SRD5A2: variants seen among roughly 807,000 people sequenced by gnomAD.
SRD5A2 encodes the protein steroid 5 alpha-reductase 2.
In SRD5A2, 30 loss-of-function variants were observed where a neutral mutation model predicts 27.4. The observed-to-expected ratio is 1.10, with a 90% CI of 0.82 to 1.49. The LOEUF (loss-of-function observed/expected upper bound fraction) is 1.49. SRD5A2 is among the 40% of genes most tolerant of loss of function. The pLI is 0.00. For missense variants in SRD5A2, 348 were observed against 323.4 expected, an observed-to-expected ratio of 1.08 and a Z score of -0.58; for synonymous variants, 141 against 133.6, an observed-to-expected ratio of 1.06 and a Z score of -0.38.
At chr2:31,562,755 G>C (rs948045368) in intron 1 of SRD5A2, among the ~76,000 whole-genome samples, 5 of 152,220 alleles carry the variant, frequency 3.3e-5, no homozygotes, top group African/African-American at 1.2e-4. Context: ...GGGATCATTA[G>C]AAGCTCAAAC....
At chr2:31,626,680 C>T in the SRD5A2 span, among the ~76,000 whole-genome samples, 2 of 152,110 alleles carry the variant, frequency 1.3e-5, no homozygotes, top group African/African-American at 2.4e-5. Flanking sequence ...GTATGTTGAA[C>T]CAGCCTTGCA....
chr2:31,649,344 C>T, the SRD5A2 span, among the ~76,000 whole-genome samples: 1 of 152,174 alleles, frequency 6.6e-6, no homozygotes, highest in African/African-American at 2.4e-5. Flanking sequence ...CATCCACTGG[C>T]TCCTGACACA....
intron 1 of SRD5A2, among the ~76,000 whole-genome samples, chr2:31,544,701 A>T (rs1457441544): frequency 6.6e-6 from 1 of 151,920 alleles, no homozygotes; most frequent in Non-Finnish European, 1.5e-5. Context: ...AATTAAGATT[A>T]GAACAAAGAT....
the SRD5A2 span, among the ~76,000 whole-genome samples, chr2:31,609,995 C>A: frequency 6.6e-6 from 1 of 151,936 alleles, no homozygotes. Flanking sequence ...CTAAACGGAC[C>A]AATAACAAAT....
the SRD5A2 span, among the ~76,000 whole-genome samples, chr2:31,625,928 T>A: frequency 6.6e-6 from 1 of 152,198 alleles, no homozygotes; most frequent in Non-Finnish European, 1.5e-5. Context: ...GGGGATGGCA[T>A]TGAATCTATA....
chr2:31,622,237 T>C, the SRD5A2 span, among the ~76,000 whole-genome samples: 2 of 152,172 alleles, frequency 1.3e-5, no homozygotes, highest in Non-Finnish European at 2.9e-5. Context: ...ATTCTGCTTC[T>C]GTGTTAGTTT....
intron 1 of SRD5A2, among the ~76,000 whole-genome samples, chr2:31,543,311 G>A (rs1314189623): frequency 6.6e-6 from 1 of 152,062 alleles, no homozygotes. Flanking sequence ...GAGTCCTGCA[G>A]GTTAAAATGA....
At chr2:31,562,593 A>T (rs1284958676) in intron 1 of SRD5A2, among the ~76,000 whole-genome samples, 1 of 152,186 alleles carries the variant, frequency 6.6e-6, no homozygotes, top group East Asian at 1.9e-4. Context: ...CATAAATTTG[A>T]GAACTTTTAA....
At chr2:31,621,710 T>A in the SRD5A2 span, among the ~76,000 whole-genome samples, 1 of 152,086 alleles carries the variant, frequency 6.6e-6, no homozygotes, top group African/African-American at 2.4e-5. Context: ...TAGCTCACTG[T>A]AACCTTGAAT....
the SRD5A2 span, among the ~76,000 whole-genome samples, chr2:31,642,303 C>T: frequency 6.6e-6 from 1 of 151,976 alleles, no homozygotes; most frequent in African/African-American, 2.4e-5. Context: ...AAGAAGAAAA[C>T]ATAGGAGACA....
intron 1 of SRD5A2, among the ~76,000 whole-genome samples, chr2:31,564,014 T>C (rs568794919): frequency 6.6e-6 from 1 of 152,010 alleles, no homozygotes; most frequent in East Asian, 1.9e-4. Flanking sequence ...CAACACCCAA[T>C]GAGGTACAAT....
the SRD5A2 span, among the ~76,000 whole-genome samples, chr2:31,645,897 A>C: frequency 6.6e-6 from 1 of 152,056 alleles, no homozygotes; most frequent in Admixed American, 6.6e-5. Flanking sequence ...ACCTGACTAC[A>C]CACACACAGG....
At chr2:31,556,767 G>A (rs527782590) in intron 1 of SRD5A2, among the ~76,000 whole-genome samples, 1 of 152,196 alleles carries the variant, frequency 6.6e-6, no homozygotes, top group East Asian at 1.9e-4. Flanking sequence ...GCCACTTTGT[G>A]GTAATTTATT....
At chr2:31,590,315 AATG>A in the SRD5A2 span, among the ~76,000 whole-genome samples, 3 of 152,184 alleles carry the variant, frequency 2.0e-5, no homozygotes, top group Non-Finnish European at 4.4e-5. Context: ...ATGAGCATGG[AATG>A]TTCTTCCATT....
At chr2:31,616,361 G>A in the SRD5A2 span, among the ~76,000 whole-genome samples, 17 of 152,202 alleles carry the variant, frequency 1.1e-4, no homozygotes, top group South Asian at 8.3e-4. Context: ...AGCTTGCAGC[G>A]TGCACCTGGA....
chr2:31,652,202 C>T, the SRD5A2 span, among the ~76,000 whole-genome samples: 5,501 of 152,256 alleles, frequency 0.036, 144 homozygotes, highest in Non-Finnish European at 0.054. Context: ...GCAATCCACC[C>T]GCCTTGGCCT....
chr2:31,608,044 C>T, the SRD5A2 span, among the ~76,000 whole-genome samples: 8 of 151,934 alleles, frequency 5.3e-5, no homozygotes, highest in Admixed American at 5.3e-4. Context: ...CTTTGGATTC[C>T]CAGACTCCAA....
At chr2:31,592,588 C>A in the SRD5A2 span, among the ~76,000 whole-genome samples, 1 of 152,114 alleles carries the variant, frequency 6.6e-6, no homozygotes, top group African/African-American at 2.4e-5. Context: ...GTGGCTAGAC[C>A]CAGAAAGGCA....
the SRD5A2 span, among the ~76,000 whole-genome samples, chr2:31,642,573 AAAG>A: frequency 6.6e-6 from 1 of 152,084 alleles, no homozygotes; most frequent in South Asian, 2.1e-4. Context: ...CTGAAAATAA[AAAG>A]AATAACACCA....
Sources: allele counts gnomAD v4.1 joint callset (sites outside exome capture counted in the v4.1 genomes callset), GRCh38; gene constraint gnomAD v4.1.1; transcripts MANE v1.5; gene names NCBI Gene and HGNC (gene_info 2026-07-23, HGNC 2026-07-21).